DYM: variants seen among roughly 807,000 people sequenced by gnomAD.
DYM encodes dymeclin.
DYM carries 78 observed loss-of-function variants against 93.1 expected under a neutral mutation model. The ratio of observed to expected loss-of-function variants is 0.84; its 90% CI spans 0.70 to 1.01. The LOEUF (loss-of-function observed/expected upper bound fraction) is 1.01. Among genes scored for constraint, DYM ranks in the 50% least tolerant of loss-of-function variants. DYM has a pLI of 0.00. For missense variants in DYM, 789 were observed against 845.0 expected (o/e 0.93, Z 0.82); for synonymous variants, 321 against 319.7 (o/e 1.00, Z -0.04).
At chr18:49,087,046 AC>A (rs1435949909) in intron 17 of DYM, among the ~76,000 whole-genome samples, 1 of 152,008 alleles carries the variant, frequency 6.6e-6, no homozygotes, top group Non-Finnish European at 1.5e-5. Flanking sequence ...AAGCTCCCTT[AC>A]CCCTTCTGCC....
At chr18:49,313,462 CAAAAAAAAAAAAAAAAAA>C (rs60775305) in intron 8 of DYM, among the ~76,000 whole-genome samples, 5 of 28,564 alleles carry the variant, frequency 1.8e-4, no homozygotes, top group South Asian at 1.8e-3. Context: ...GACTCTGTCA[CAAAAAAAAAAAAAAAAAA>C]AAAAAAAAAA....
intron 10 of DYM, among the ~76,000 whole-genome samples, chr18:49,279,016 G>A (rs1472715320): frequency 1.3e-5 from 2 of 152,098 alleles, no homozygotes; most frequent in African/African-American, 2.4e-5. Flanking sequence ...TAAAAAGTAT[G>A]CCCTCTTATG....
chr18:49,344,839 C>T (rs1390268474), intron 6 of DYM, among the ~76,000 whole-genome samples: 1 of 152,122 alleles, frequency 6.6e-6, no homozygotes, highest in African/African-American at 2.4e-5. Context: ...TCCAATCATT[C>T]ATTGGGTATC....
intron 6 of DYM, among the ~76,000 whole-genome samples, chr18:49,335,932 G>A (rs1456130779): frequency 1.3e-5 from 2 of 151,950 alleles, no homozygotes; most frequent in African/African-American, 4.8e-5. Flanking sequence ...TCCTGCCTTA[G>A]CCTCTCAAGT....
At chr18:49,189,423 G>A (rs902818502) in intron 14 of DYM, among the ~76,000 whole-genome samples, 1 of 152,094 alleles carries the variant, frequency 6.6e-6, no homozygotes, top group Non-Finnish European at 1.5e-5. Context: ...GGCATATGGA[G>A]CACTGGGAAG....
chr18:49,228,711 A>C (rs2093611582), intron 13 of DYM, among the ~76,000 whole-genome samples: 1 of 152,152 alleles, frequency 6.6e-6, no homozygotes, highest in Non-Finnish European at 1.5e-5. Flanking sequence ...TATGAAGGCT[A>C]CCTATCCTTT....
chr18:49,401,797 G>A (rs538514528), intron 2 of DYM, among the ~76,000 whole-genome samples: 5 of 152,170 alleles, frequency 3.3e-5, no homozygotes, highest in Admixed American at 2.0e-4. Flanking sequence ...AGGCTGAAGC[G>A]GGTGGATCAC....
chr18:49,457,615 C>T (rs2083104361), intron 1 of DYM, among the ~76,000 whole-genome samples: 2 of 152,176 alleles, frequency 1.3e-5, no homozygotes, highest in South Asian at 4.1e-4. Context: ...AAAGAAATCA[C>T]CTACTTTCTT....
intron 13 of DYM, among the ~76,000 whole-genome samples, chr18:49,211,138 T>G (rs1156354037): frequency 6.6e-6 from 1 of 152,184 alleles, no homozygotes; most frequent in Non-Finnish European, 1.5e-5. Context: ...CTTAGAAATC[T>G]AAATCCTGCT....
chr18:49,396,238 G>A (rs758675071), intron 2 of DYM, among the ~76,000 whole-genome samples: 3 of 152,082 alleles, frequency 2.0e-5, no homozygotes, highest in East Asian at 1.9e-4. Flanking sequence ...AGACCAAGAC[G>A]TTAGGAAAGT....
intron 11 of DYM, among the ~76,000 whole-genome samples, chr18:49,270,295 T>G (rs1599021888): frequency 1.3e-5 from 2 of 152,192 alleles, no homozygotes; most frequent in African/African-American, 4.8e-5. Flanking sequence ...ACAACATAGG[T>G]AAACCTAGAG....
intron 11 of DYM, among the ~76,000 whole-genome samples, 162 bp downstream of exon 11, chr18:49,272,006 GAAAAAAAAAA>G (rs33965129): frequency 1.5e-5 from 2 of 134,588 alleles, no homozygotes. Context: ...AGTCATTCTG[GAAAAAAAAAA>G]AAAAAAAGCA....
intron 13 of DYM, among the ~76,000 whole-genome samples, chr18:49,241,285 A>G (rs1187017381): frequency 1.3e-5 from 2 of 152,180 alleles, no homozygotes; most frequent in Non-Finnish European, 2.9e-5. Flanking sequence ...AGCTTTATCA[A>G]TGTCAGGTCT....
chr18:49,359,971 A>G (rs2065882348), intron 6 of DYM: 1 of 152,246 alleles, frequency 6.6e-6, no homozygotes, highest in South Asian at 2.1e-4. Context: ...ACCTTCTTGT[A>G]GGATGGAGTT....
intron 14 of DYM, among the ~76,000 whole-genome samples, chr18:49,196,735 C>A (rs1251722382): frequency 3.3e-5 from 5 of 152,124 alleles, no homozygotes. Context: ...GAGAATGTAG[C>A]ATCCTAAGGG....
At chr18:49,322,991 A>T (rs1468208097) in intron 8 of DYM, among the ~76,000 whole-genome samples, 1 of 152,208 alleles carries the variant, frequency 6.6e-6, no homozygotes, top group Non-Finnish European at 1.5e-5. Context: ...TCTACCTAAC[A>T]CAAACATCTA....
At chr18:49,077,062 A>C (rs1380932926) in intron 17 of DYM, among the ~76,000 whole-genome samples, 2 of 152,216 alleles carry the variant, frequency 1.3e-5, no homozygotes, top group Admixed American at 6.5e-5. Flanking sequence ...ACAATTTAAA[A>C]TTGAACTCTG....
intron 6 of DYM, among the ~76,000 whole-genome samples, chr18:49,342,198 A>C (rs1212586255): frequency 6.6e-6 from 1 of 152,150 alleles, no homozygotes; most frequent in African/African-American, 2.4e-5. Context: ...CTTGGCTTCT[A>C]GGGGTCACCA....
intron 15 of DYM, among the ~76,000 whole-genome samples, chr18:49,121,082 G>A (rs1473690303): frequency 6.6e-6 from 1 of 152,148 alleles, no homozygotes; most frequent in African/African-American, 2.4e-5. Context: ...GTCATCAGCA[G>A]AATATGACAC....
Sources: gnomAD v4.1 joint callset for allele counts (sites outside exome capture counted in the v4.1 genomes callset) on GRCh38, gnomAD v4.1.1 for gene constraint, MANE v1.5 for transcripts, NCBI Gene and HGNC (gene_info 2026-07-23, HGNC 2026-07-21) for gene names.